Variants in ZNF554 observed in about 807,000 individuals in gnomAD.
ZNF554 encodes the protein zinc finger protein 554.
ZNF554 carries 15 observed loss-of-function variants against 21.2 expected under a neutral mutation model. That is an observed-to-expected ratio of 0.71 (90% confidence interval 0.47 to 1.09). ZNF554 has a LOEUF of 1.09. ZNF554 is among the 50% of genes least tolerant of loss of function. The pLI, the probability that ZNF554 is intolerant of heterozygous loss-of-function variation, is 0.00. For synonymous variants in ZNF554, 258 were observed against 251.4 expected, an observed-to-expected ratio of 1.03 and a Z score of -0.25; for missense variants, 691 against 662.7, an observed-to-expected ratio of 1.04 and a Z score of -0.47.
intron 2 of ZNF554, among the ~76,000 whole-genome samples, chr19:2,824,550 T>G (rs1251138391): frequency 6.6e-6 from 1 of 152,248 alleles, no homozygotes; most frequent in Admixed American, 6.5e-5. Flanking sequence ...AGAATATTTC[T>G]GTAACTGTGA....
chr19:2,834,602 G>A lies in ZNF554; in HGVS notation c.1367G>A (p.Arg456Gln), dbSNP rs767929384. 69 of 1,613,970 alleles carry A rather than the reference G, an allele frequency of 4.3e-5. No homozygotes were observed. Among genetic ancestry groups the A allele is most frequent in the South Asian group, 2.2e-4 (20 of 91,070 alleles). ...SDRSSLNQHE[R>Q]THTGENPYEC... ...CGTTCCTCTCTCAACCAGCACGAGC[G>A]AACTCACACGGGCGAGAACCCCTAT... Residue 456 changes from arginine to glutamine, a missense_variant, in exon 5 of 5, where the codon CGA (arginine) becomes CAA (glutamine). Physicochemically the swap from Arg to Gln is conservative, Grantham distance 43 (BLOSUM62 1). Coordinates refer to ENST00000317243, the MANE Select transcript of ZNF554 (RefSeq NM_001102651.2).
At position 2,834,270 on chromosome 19, in the gene ZNF554, T is replaced by C; in HGVS notation, c.1035T>C (p.Ile345=). The C allele has an allele frequency of 6.2e-7, 1 of 1,614,004 alleles. No individual in the cohort carries two copies. The highest frequency in any genetic ancestry group is 1.1e-5 in the South Asian group (1 of 91,076). ...RRHSLSEHQR[I]HTGEKPYECQ... ...ATTCTTTGAGCGAACATCAAAGAAT[T>C]CACACGGGGGAGAAACCCTACGAGT... Residue 345 remains isoleucine, a synonymous_variant, in exon 5 of 5, where the codon ATT becomes ATC. Transcript: ENST00000317243.
At position 2,823,735 on chromosome 19, in the gene ZNF554, G is replaced by A. The variant is rs562165271; in HGVS notation, c.126+623G>A. Among the ~76,000 whole-genome samples, 18 of 152,168 alleles carry A rather than the reference G, an allele frequency of 1.2e-4. No homozygotes were observed. The South Asian group carries it at 3.3e-3, about 28-fold the overall frequency. ...TACTCCTCTCTGCAGCTGGTCGTCC[G>A]GTCCCATCCTGTCATCTGTCTGCCT... On this transcript the variant is annotated intron_variant, in intron 2 of 4. Transcript: ENST00000317243.
rs962783306 is a variant in ZNF554, at chr19:2,836,638, T to A, written c.*1786T>A. Among the ~76,000 whole-genome samples, 5 of 152,232 alleles carry A rather than the reference T, an allele frequency of 3.3e-5. No homozygotes were observed. The highest frequency in any genetic ancestry group is 1.2e-4 in the African/African-American group (5 of 41,454). On this transcript the variant is annotated 3_prime_UTR_variant, in exon 5 of 5. Coordinates refer to ENST00000317243, the MANE Select transcript of ZNF554 (RefSeq NM_001102651.2). ...TTCCAATTATGTGTGATTTTGTGTT[T>A]TCTGCCGTTTCATTTTGTATTGCCA...
Position 2,836,203 on chromosome 19 carries a change from G to A in ZNF554, c.*1351G>A, listed in dbSNP as rs922566500. ...GCCCATGCTGGGATTACGGGTGTGA[G>A]CCACCGTGCTGGTATTACGGGTGTG... On this transcript the variant is annotated 3_prime_UTR_variant, in exon 5 of 5. Transcript: ENST00000317243. 2.8e-5 allele frequency among the ~76,000 whole-genome samples: 4 copies of A among 144,022 alleles called. No homozygotes were observed. The highest frequency in any genetic ancestry group is 1.0e-4 in the African/African-American group (4 of 39,980). 94.5% of individuals were successfully genotyped at this position (144,022 alleles called of 152,430 possible).
intron 3 of ZNF554, among the ~76,000 whole-genome samples, chr19:2,828,292 C>T (rs566019489): frequency 3.3e-5 from 5 of 152,198 alleles, no homozygotes; most frequent in Non-Finnish European, 7.3e-5. Flanking sequence ...TACGTGATAG[C>T]TGGAGCTGCA....
chr19:2,823,110 C>T lies in ZNF554; in HGVS notation c.124C>T (p.Gln42Ter), dbSNP rs372680168. The T allele has an allele frequency of 1.2e-6, 2 of 1,612,644 alleles. No homozygotes were observed. The highest frequency in any genetic ancestry group is 2.7e-5 in the African/African-American group (2 of 74,884). Residue 42 changes from glutamine to a stop codon, truncating the protein, a stop_gained and splice_region_variant, in exon 2 of 5, where the codon CAG becomes TAG. Coordinates refer to ENST00000317243, the MANE Select transcript of ZNF554 (RefSeq NM_001102651.2). LOFTEE classifies it high-confidence loss of function. ...MAAGYLPRWS[Q>*]ELVTFEDVSM... ...TGCTGGGTACCTGCCCCGCTGGTCC[C>T]AGGTGAGATGTCCTCATTCTCCCAA...
Position 2,833,954 on chromosome 19 carries a change from A to C in ZNF554, c.719A>C (p.Lys240Thr). ...CTTGTTTTATCACAGGGAAGCTCTAAAGGGAACCACTTGTGTGGCAGCGAG... is the reference window on the plus strand; with the variant it reads ...CTTGTTTTATCACAGGGAAGCTCTACAGGGAACCACTTGTGTGGCAGCGAG... ...PALVLSQGSS[K>T]GNHLCGSELD... The change falls in exon 5 of 5, where the codon AAA becomes ACA. Residue 240 changes from lysine (K) to threonine (T), a missense_variant. Coordinates refer to ENST00000317243, the MANE Select transcript of ZNF554 (RefSeq NM_001102651.2). 1 of 1,614,116 alleles carries C rather than the reference A, an allele frequency of 6.2e-7. No homozygotes were observed. Among genetic ancestry groups the C allele is most frequent in the South Asian group, 1.1e-5 (1 of 91,086 alleles).
chr19:2,825,015 T>G (rs1205102413), intron 2 of ZNF554, among the ~76,000 whole-genome samples: 46 of 148,410 alleles, frequency 3.1e-4, no homozygotes, highest in African/African-American at 4.7e-4. Context: ...TTTTTTTTTT[T>G]TTTTTTTTTT....
chr19:2,834,606 TCA>T lies in ZNF554; in HGVS notation c.1375_1376del (p.Thr459GlyfsTer6). 1 of 1,614,044 alleles carries T rather than the reference TCA, an allele frequency of 6.2e-7. No homozygotes were observed. Among genetic ancestry groups the T allele is most frequent in the Non-Finnish European group, 8.5e-7 (1 of 1,179,996 alleles). On this transcript the variant is annotated frameshift_variant, in exon 5 of 5. Transcript: ENST00000317243. LOFTEE classifies it low-confidence loss of function (END_TRUNC). ...CCTCTCTCAACCAGCACGAGCGAAC[TCA>T]CACGGGCGAGAACCCCTATGAATGT... is the stretch of plus-strand genomic sequence containing the variant. ...RSSLNQHERT[H>X]TGENPYECKQ... is the part of the protein sequence containing the mutation.
chr19:2,823,763 T>C (rs1400856007), intron 2 of ZNF554, among the ~76,000 whole-genome samples: 1 of 152,106 alleles, frequency 6.6e-6, no homozygotes, highest in Non-Finnish European at 1.5e-5. Context: ...GTCTGCCTTC[T>C]TTGTCCTCTG....
chr19:2,832,326 G>C lies in ZNF554; in HGVS notation c.277G>C (p.Asp93His), dbSNP rs1353002833. Residue 93 changes from aspartate (D) to histidine (H), a missense_variant, in exon 4 of 5, where the codon GAT becomes CAT. Physicochemically the swap from Asp to His is moderately conservative, Grantham distance 81 (BLOSUM62 -1). Coordinates refer to ENST00000317243, the MANE Select transcript of ZNF554 (RefSeq NM_001102651.2). ...AGAAGCCTTGAAGAACCAATGTACT[G>C]ATGTGGGGATTAAAGAGGGTCCACT... ...SLEALKNQCTDVGIKEGPLSP... is the reference protein window; with the variant it reads ...SLEALKNQCTHVGIKEGPLSP... 1 of 1,609,588 alleles carries C rather than the reference G, an allele frequency of 6.2e-7. No homozygotes were observed. Among genetic ancestry groups the C allele is most frequent in the Non-Finnish European group, 8.5e-7 (1 of 1,178,422 alleles).
rs1448003942 is a variant in ZNF554, at chr19:2,834,197, A to G, written c.962A>G (p.Glu321Gly). ...ATCCACAACAAAATCAACACGGCAG[A>G]GAAACCCTTTGAGTGCCACCAGTGT... ...LTIHNKINTA[E>G]KPFECHQCGK... is the part of the protein sequence containing the mutation. Residue 321 changes from glutamate (E) to glycine (G), a missense_variant, in exon 5 of 5, where the codon GAG becomes GGG. Coordinates refer to ENST00000317243, the MANE Select transcript of ZNF554 (RefSeq NM_001102651.2). The G allele has an allele frequency of 6.2e-7, 1 of 1,614,074 alleles. No individual in the cohort carries two copies.
At chr19:2,822,449 C>G (rs999005177) in intron 1 of ZNF554, among the ~76,000 whole-genome samples, 1 of 152,160 alleles carries the variant, frequency 6.6e-6, no homozygotes, top group Admixed American at 6.5e-5. Flanking sequence ...TTTAAGCCCC[C>G]GGGTTACTGG....
chr19:2,821,069 C>A lies in ZNF554; in HGVS notation c.53+945C>A, dbSNP rs1372932278. On this transcript the variant is annotated intron_variant, in intron 1 of 4. Transcript: ENST00000317243. The surrounding 1 kb of genome is among the most constrained non-coding windows in gnomAD (Gnocchi z 8.2). ...CAACCTCCCTGAACTCTCCCCTACCCAAACAGGTTGGTTTCTTTTTCTTCT... is the reference window on the plus strand; with the variant it reads ...CAACCTCCCTGAACTCTCCCCTACCAAAACAGGTTGGTTTCTTTTTCTTCT... Among the ~76,000 whole-genome samples, 2 of 151,664 alleles carry A rather than the reference C, an allele frequency of 1.3e-5. No homozygotes were observed. The highest frequency in any genetic ancestry group is 2.9e-5 in the Non-Finnish European group (2 of 67,982).
Position 2,833,734 on chromosome 19 carries a change from C to T in ZNF554, c.499C>T (p.Gln167Ter), listed in dbSNP as rs769650425. Residue 167 changes from glutamine to a stop codon, truncating the protein, a stop_gained, in exon 5 of 5, where the codon CAG (glutamine) becomes TAG (stop). Coordinates refer to ENST00000317243, the MANE Select transcript of ZNF554 (RefSeq NM_001102651.2). LOFTEE classifies it low-confidence loss of function (END_TRUNC). The part of the protein sequence containing the change: ...QDSTYKKVAL[Q>*]EEPASGINMI... The stretch of plus-strand genomic sequence containing the variant: ...CTCAACTTACAAGAAGGTGGCTTTG[C>T]AGGAGGAACCAGCCAGTGGTATAAA... 7 of 1,554,612 alleles carry T rather than the reference C, an allele frequency of 4.5e-6. No individual in the cohort carries two copies. The South Asian group carries it at 4.8e-5, about 11-fold the overall frequency.
chr19:2,824,443 G>C (rs1009462090), intron 2 of ZNF554, among the ~76,000 whole-genome samples: 1 of 152,240 alleles, frequency 6.6e-6, no homozygotes, highest in African/African-American at 2.4e-5. Flanking sequence ...CTGCTGACAT[G>C]ATGGCATCAG....
chr19:2,824,203 A>T (rs1007581734), intron 2 of ZNF554, among the ~76,000 whole-genome samples: 12 of 152,188 alleles, frequency 7.9e-5, no homozygotes, highest in African/African-American at 2.6e-4. Flanking sequence ...TGCCTCGCCC[A>T]CTTGGAGGAG....
rs2087494367 is a variant in ZNF554 at position 2,836,166 on chromosome 19, C to T, written c.*1314C>T. ...GGTGTGAGCCACTGTGCTGGGATTA[C>T]GGGCGTGAGCTGCCCATGCTGGGAT... On this transcript the variant is annotated 3_prime_UTR_variant, in exon 5 of 5. Transcript: ENST00000317243. 7.6e-6 allele frequency among the ~76,000 whole-genome samples: 1 copy of T among 131,924 alleles called. No individual in the cohort carries two copies. The highest frequency in any genetic ancestry group is 2.4e-4 in the South Asian group (1 of 4,208). 86.5% of individuals were successfully genotyped at this position (131,924 alleles called of 152,430 possible). A position where few individuals can be genotyped will look rare whatever the true frequency, so the allele number is the denominator to read the frequency against.
Sources: gnomAD v4.1 joint callset for allele counts (sites outside exome capture counted in the v4.1 genomes callset) on GRCh38, gnomAD v4.1.1 for gene constraint, Gnocchi (gnomAD v3.1) non-coding constraint, MANE v1.5 for transcripts, NCBI Gene and HGNC (gene_info 2026-07-23, HGNC 2026-07-21) for gene names.